The following CDH13 variants were observed in gnomAD, a reference collection of about 807,000 sequenced individuals.
The protein encoded by CDH13 is cadherin 13.
Under a neutral mutation model 63.8 loss-of-function variants are expected in CDH13, and 24 were observed. The observed-to-expected ratio is 0.38, with a 90% CI of 0.27 to 0.53. The LOEUF (loss-of-function observed/expected upper bound fraction) is 0.53, where lower values mean the gene tolerates loss of function less well. Ranked by LOEUF, CDH13 falls within the 20% of genes least tolerant of loss-of-function variation. The pLI is 0.85. For synonymous variants in CDH13, 503 were observed against 355.3 expected, an observed-to-expected ratio of 1.42 and a Z score of -4.67; for missense variants, 1,049 against 903.1, an observed-to-expected ratio of 1.16 and a Z score of -2.07.
chr16:82,815,747 T>C (rs2037674956), intron 1 of CDH13, among the ~76,000 whole-genome samples: 2 of 152,182 alleles, frequency 1.3e-5, no homozygotes, highest in Admixed American at 6.5e-5. Flanking sequence ...TGTTGGCCAC[T>C]GTGTGTTGTC....
intron 1 of CDH13, among the ~76,000 whole-genome samples, chr16:82,757,089 T>C (rs986287959): frequency 1.3e-5 from 2 of 152,134 alleles, no homozygotes; most frequent in African/African-American, 4.8e-5. Context: ...TCACCTCCAG[T>C]CCTCTCTTCC....
At chr16:83,586,063 T>G (rs549796866) in intron 7 of CDH13, among the ~76,000 whole-genome samples, 5 of 152,074 alleles carry the variant, frequency 3.3e-5, no homozygotes, top group Non-Finnish European at 7.4e-5. Context: ...ACCTAAAGGG[T>G]TGAATACTAT....
intron 2 of CDH13, among the ~76,000 whole-genome samples, chr16:83,020,398 T>A (rs1915236992): frequency 6.6e-6 from 1 of 152,074 alleles, no homozygotes; most frequent in Non-Finnish European, 1.5e-5. Flanking sequence ...CCCACTGCCC[T>A]CTGTGGGAAA....
chr16:83,431,131 T>C (rs1425892950), intron 6 of CDH13, among the ~76,000 whole-genome samples: 1 of 152,046 alleles, frequency 6.6e-6, no homozygotes, highest in African/African-American at 2.4e-5. Flanking sequence ...TCCATGTCCC[T>C]ACAAAGGACG....
chr16:82,956,373 C>A (rs1250409222), intron 2 of CDH13, among the ~76,000 whole-genome samples: 1 of 152,114 alleles, frequency 6.6e-6, no homozygotes, highest in African/African-American at 2.4e-5. Flanking sequence ...AATTTCTGCT[C>A]CAAATGGCAG....
intron 10 of CDH13, among the ~76,000 whole-genome samples, chr16:83,746,632 C>T (rs1487924260): frequency 6.6e-6 from 1 of 152,096 alleles, no homozygotes; most frequent in Non-Finnish European, 1.5e-5. Flanking sequence ...CAAATCTGGC[C>T]ATACAAGGCA....
chr16:83,216,430 A>G (rs1320859196), intron 4 of CDH13, among the ~76,000 whole-genome samples: 11 of 112,672 alleles, frequency 9.8e-5, no homozygotes, highest in Non-Finnish European at 1.9e-4. Flanking sequence ...ATATATATAT[A>G]TATATATATA....
chr16:83,373,166 C>T (rs898468795), intron 6 of CDH13, among the ~76,000 whole-genome samples: 2 of 152,046 alleles, frequency 1.3e-5, no homozygotes, highest in African/African-American at 2.4e-5. Context: ...AAACGTTTGC[C>T]GTGCATAACA....
chr16:83,036,766 G>A (rs914033122), intron 3 of CDH13, among the ~76,000 whole-genome samples: 2 of 152,120 alleles, frequency 1.3e-5, no homozygotes, highest in African/African-American at 4.8e-5. Context: ...GTGCAGCCTA[G>A]ATGCAATTCA....
At chr16:82,938,227 C>G (rs1343839294) in intron 2 of CDH13, among the ~76,000 whole-genome samples, 1 of 152,140 alleles carries the variant, frequency 6.6e-6, no homozygotes, top group Non-Finnish European at 1.5e-5. Flanking sequence ...GTAAAAACAG[C>G]CTTTGCCTGG....
intron 6 of CDH13, among the ~76,000 whole-genome samples, chr16:83,429,999 A>T (rs374485226): frequency 1.3e-5 from 2 of 152,090 alleles, no homozygotes; most frequent in African/African-American, 4.8e-5. Context: ...TTGAGTCTAT[A>T]AATTGGACTG....
At chr16:83,058,773 C>G (rs373707225) in intron 3 of CDH13, among the ~76,000 whole-genome samples, 29 of 152,310 alleles carry the variant, frequency 1.9e-4, no homozygotes, top group African/African-American at 6.5e-4. Flanking sequence ...GTCTTAAAAA[C>G]AAACGTGCAG....
At chr16:83,369,130 G>A (rs1319350306) in intron 6 of CDH13, among the ~76,000 whole-genome samples, 2 of 151,062 alleles carry the variant, frequency 1.3e-5, no homozygotes, top group Admixed American at 6.6e-5. Flanking sequence ...AGTTCTTTAA[G>A]GAATCTCCAC....
intron 7 of CDH13, among the ~76,000 whole-genome samples, chr16:83,574,622 A>C (rs1904939228): frequency 6.6e-6 from 1 of 152,214 alleles, no homozygotes; most frequent in South Asian, 2.1e-4. Flanking sequence ...TTTGCATCAC[A>C]GGGATGGCAT....
At chr16:83,678,723 G>A (rs144831301) in intron 10 of CDH13, among the ~76,000 whole-genome samples, 75 of 152,244 alleles carry the variant, frequency 4.9e-4, no homozygotes, top group Non-Finnish European at 8.8e-4. Context: ...ATGACCAGCC[G>A]GGTCTGCTGG....
intron 1 of CDH13, among the ~76,000 whole-genome samples, chr16:82,654,544 G>C (rs545804201): frequency 6.6e-6 from 1 of 152,262 alleles, no homozygotes; most frequent in South Asian, 2.1e-4. Context: ...GCTTCCTTCT[G>C]TCTTTTTGAA....
At chr16:82,998,577 T>C (rs1912507409) in intron 2 of CDH13, among the ~76,000 whole-genome samples, 1 of 152,118 alleles carries the variant, frequency 6.6e-6, no homozygotes, top group South Asian at 2.1e-4. Context: ...GCTTGGACCT[T>C]GTTTCATCCA....
chr16:82,683,670 T>C (rs1161780870), intron 1 of CDH13, among the ~76,000 whole-genome samples: 2 of 152,220 alleles, frequency 1.3e-5, no homozygotes, highest in Non-Finnish European at 2.9e-5. Context: ...TTGATAGAGA[T>C]AATTAATTAG....
intron 10 of CDH13, among the ~76,000 whole-genome samples, chr16:83,682,501 G>A (rs1915488784): frequency 6.6e-6 from 1 of 152,156 alleles, no homozygotes; most frequent in Non-Finnish European, 1.5e-5. Flanking sequence ...GTTCTGTAGA[G>A]GGGAAAGTCG....
Sources: allele counts gnomAD v4.1 joint callset (sites outside exome capture counted in the v4.1 genomes callset), GRCh38; gene constraint gnomAD v4.1.1; transcripts MANE v1.5; gene names NCBI Gene and HGNC (gene_info 2026-07-23, HGNC 2026-07-21).